KCNK9: variants seen among roughly 807,000 people sequenced by gnomAD.
KCNK9 encodes potassium two pore domain channel subfamily K member 9.
KCNK9 carries 1 observed loss-of-function variant against 10.8 expected under a neutral mutation model. That is an observed-to-expected ratio of 0.09 (90% CI 0.03 to 0.44). KCNK9 has a LOEUF of 0.44. KCNK9 is among the 20% of genes least tolerant of loss of function. The pLI, the probability that KCNK9 is intolerant of heterozygous loss-of-function variation, is 0.97. For synonymous variants in KCNK9, 231 were observed against 222.7 expected, an observed-to-expected ratio of 1.04 and a Z score of -0.33; for missense variants, 303 against 515.0, an observed-to-expected ratio of 0.59 and a Z score of 3.98.
At chr8:139,638,935 C>T (rs1317552616) in intron 1 of KCNK9, among the ~76,000 whole-genome samples, 4 of 152,294 alleles carry the variant, frequency 2.6e-5, no homozygotes, top group African/African-American at 9.6e-5. Flanking sequence ...ATTCACCAGT[C>T]CAACTCCTGC....
intron 2 of KCNK9, among the ~76,000 whole-genome samples, chr8:139,603,621 TC>T (rs1232366129): frequency 2.0e-5 from 3 of 152,226 alleles, no homozygotes; most frequent in African/African-American, 7.2e-5. Context: ...GCCAGGACTG[TC>T]CACCTTGCTC....
intron 1 of KCNK9, among the ~76,000 whole-genome samples, chr8:139,677,793 GTAATACCTCACC>G (rs1816591193): frequency 2.0e-5 from 3 of 148,198 alleles, no homozygotes; most frequent in African/African-American, 7.9e-5. Flanking sequence ...TGGCTGCAGA[GTAATACCTCACC>G]TCCCAGCCCA....
At chr8:139,626,588 C>T (rs1475234931) in intron 1 of KCNK9, among the ~76,000 whole-genome samples, 1 of 152,160 alleles carries the variant, frequency 6.6e-6, no homozygotes, top group African/African-American at 2.4e-5. Context: ...ACTGCAACCC[C>T]AGTCTCCCAG....
At chr8:139,694,939 T>G (rs544738078) in intron 1 of KCNK9, among the ~76,000 whole-genome samples, 2 of 152,156 alleles carry the variant, frequency 1.3e-5, no homozygotes, top group Non-Finnish European at 2.9e-5. Context: ...CAGCAAACTG[T>G]GAGCTGGAGG....
chr8:139,614,584 G>A (rs990371329), downstream of KCNK9, among the ~76,000 whole-genome samples: 1 of 152,216 alleles, frequency 6.6e-6, no homozygotes, highest in Non-Finnish European at 1.5e-5. Flanking sequence ...AGCAGTGCAG[G>A]TGGAAAGAAC....
chr8:139,608,744 C>T (rs975466892), downstream of KCNK9, among the ~76,000 whole-genome samples: 1 of 152,234 alleles, frequency 6.6e-6, no homozygotes, highest in African/African-American at 2.4e-5. Context: ...GACCCCATTA[C>T]TGCTGGTCTC....
chr8:139,618,924 G>C lies in KCNK9; in HGVS notation c.459C>G (p.Asp153Glu). The change falls in exon 2 of 2, where the codon GAC becomes GAG. Residue 153 changes from aspartate to glutamate, a missense_variant. Around this residue, in one of 5 missense-constraint regions of KCNK9, gnomAD observed 32 missense variants for 30.2 expected, o/e 1.06. Transcript: ENST00000520439. The surrounding 1 kb of genome is among the most constrained non-coding windows in gnomAD (Gnocchi z 7.9). ...CAGTCACCATGTTCTCCATAGACAC[G>C]TCAGTGTTGCGCATGCCACAGCACT... is the stretch of plus-strand genomic sequence containing the variant. ...IKKCCGMRNT[D>E]VSMENMVTVG... The C allele has an allele frequency of 1.2e-6, 2 of 1,614,240 alleles. No individual in the cohort carries two copies. Among genetic ancestry groups the C allele is most frequent in the Non-Finnish European group, 1.7e-6 (2 of 1,180,046 alleles).
rs968233735 is a variant in KCNK9 at position 139,687,376 on chromosome 8, A to G, written c.283+15334T>C. Among the ~76,000 whole-genome samples the G allele has an allele frequency of 3.1e-5, 4 of 130,900 alleles. 1 individual carries two copies. The highest frequency in any genetic ancestry group is 1.1e-4 in the African/African-American group (4 of 35,428). 85.9% of individuals were successfully genotyped at this position (130,900 alleles called of 152,430 possible). On this transcript the variant is annotated intron_variant, in intron 1 of 1. Transcript: ENST00000520439. ...TATGTATACATATATATGTGTATAC[A>G]TATATATGAATATATATGTGTATAC...
At chr8:139,607,326 G>A (rs905737267) in intron 2 of KCNK9, among the ~76,000 whole-genome samples, 9 of 152,164 alleles carry the variant, frequency 5.9e-5, no homozygotes, top group South Asian at 2.1e-4. Flanking sequence ...GGACTTGATC[G>A]TCTAGCTCAC....
rs78133305 is a variant in KCNK9, at chr8:139,669,728, G to A, written c.283+32982C>T. On this transcript the variant is annotated intron_variant, in intron 1 of 1. Transcript: ENST00000520439. Reference sequence around the variant, plus strand: ...TGTTGATATTTTGACCTCCTTCTACGAATCACAAATGTTTTTACTGTCATA... The same window carrying A: ...TGTTGATATTTTGACCTCCTTCTACAAATCACAAATGTTTTTACTGTCATA... Among the ~76,000 whole-genome samples, 958 of 152,154 alleles carry A rather than the reference G, an allele frequency of 6.3e-3. 9 individuals are homozygous for A. The highest frequency in any genetic ancestry group is 0.022 in the African/African-American group (910 of 41,500).
At chr8:139,682,293 A>C (rs1259882028) in intron 1 of KCNK9, among the ~76,000 whole-genome samples, 1 of 152,232 alleles carries the variant, frequency 6.6e-6, no homozygotes, top group Non-Finnish European at 1.5e-5. Context: ...GGGCCTGCTT[A>C]GTGCCAGACA....
intron 1 of KCNK9, among the ~76,000 whole-genome samples, chr8:139,637,382 A>T (rs967260488): frequency 1.3e-5 from 2 of 152,266 alleles, no homozygotes; most frequent in African/African-American, 2.4e-5. Flanking sequence ...ATGTCTGATG[A>T]ATTAAAGGAA....
chr8:139,673,943 C>A (rs932215079), intron 1 of KCNK9, among the ~76,000 whole-genome samples: 1 of 152,144 alleles, frequency 6.6e-6, no homozygotes, highest in African/African-American at 2.4e-5. Context: ...CCACGGCAGC[C>A]CCGCCCCTGC....
intron 2 of KCNK9, among the ~76,000 whole-genome samples, chr8:139,605,750 G>A (rs574040466): frequency 4.6e-5 from 7 of 152,250 alleles, no homozygotes; most frequent in South Asian, 4.1e-4. Context: ...GCTGCGTACC[G>A]CACTCGTTAC....
At chr8:139,670,266 C>A (rs1317144777) in intron 1 of KCNK9, among the ~76,000 whole-genome samples, 1 of 152,102 alleles carries the variant, frequency 6.6e-6, no homozygotes, top group Non-Finnish European at 1.5e-5. Flanking sequence ...TCATTGATCA[C>A]CATAACGGAT....
chr8:139,684,564 A>G (rs769691615), intron 1 of KCNK9, among the ~76,000 whole-genome samples: 19 of 152,230 alleles, frequency 1.2e-4, no homozygotes, highest in Admixed American at 3.3e-4. Flanking sequence ...AGATCAGGGG[A>G]AAAAGAAGGC....
At chr8:139,602,578 G>A (rs958377513) in intron 2 of KCNK9, among the ~76,000 whole-genome samples, 14 of 152,198 alleles carry the variant, frequency 9.2e-5, no homozygotes, top group African/African-American at 3.4e-4. Flanking sequence ...ACCACACGAT[G>A]ATAGGAACTG....
intron 1 of KCNK9, among the ~76,000 whole-genome samples, chr8:139,686,956 C>T (rs1222329102): frequency 6.6e-6 from 1 of 151,846 alleles, no homozygotes; most frequent in African/African-American, 2.4e-5. Flanking sequence ...AAGAGAAAGC[C>T]TAGTAACTGT....
chr8:139,642,666 G>T (rs1815539563), intron 1 of KCNK9, among the ~76,000 whole-genome samples: 1 of 152,244 alleles, frequency 6.6e-6, no homozygotes, highest in Non-Finnish European at 1.5e-5. Context: ...CACTTCCACT[G>T]CAGCTTCTCC....
Sources: gnomAD v4.1 joint callset for allele counts (sites outside exome capture counted in the v4.1 genomes callset) on GRCh38, gnomAD v4.1.1 for gene constraint, gnomAD v4.1.1 regional missense constraint, Gnocchi (gnomAD v3.1) non-coding constraint, MANE v1.5 for transcripts, NCBI Gene and HGNC (gene_info 2026-07-23, HGNC 2026-07-21) for gene names.